The following MINDY3 variants were observed in gnomAD, a reference collection of about 807,000 sequenced individuals.
The protein encoded by MINDY3 is ubiquitin carboxyl-terminal hydrolase MINDY-3.
MINDY3 carries 38 observed loss-of-function variants against 69.2 expected under a neutral mutation model. The ratio of observed to expected loss-of-function variants is 0.55; its 90% CI spans 0.42 to 0.72. The LOEUF (loss-of-function observed/expected upper bound fraction) is 0.72. Ranked by LOEUF, MINDY3 falls within the 30% of genes least tolerant of loss-of-function variation. The probability of loss-of-function intolerance (pLI) is 0.00; values close to 1 mark genes in which losing one functional copy is unlikely to be tolerated. For synonymous variants in MINDY3, 192 were observed against 180.1 expected (o/e 1.07, Z -0.53); for missense variants, 522 against 519.0 (o/e 1.01, Z -0.06).
intron 1 of MINDY3, among the ~76,000 whole-genome samples, chr10:15,855,419 A>C (rs1222784476): frequency 6.6e-6 from 1 of 152,054 alleles, no homozygotes. Context: ...TACTCAAATT[A>C]TTTCCTAGTT....
intron 11 of MINDY3, among the ~76,000 whole-genome samples, chr10:15,793,022 G>A (rs1837538136): frequency 6.6e-6 from 1 of 152,112 alleles, no homozygotes; most frequent in Admixed American, 6.6e-5. Flanking sequence ...AGCTAGTGAG[G>A]CGTAACGGAT....
In MINDY3 at chr10:15,821,666, C is replaced by T; in HGVS notation, c.791G>A (p.Arg264Lys). The change falls in exon 9 of 15, where the codon AGA (arginine) becomes AAA (lysine). Residue 264 changes from arginine (R) to lysine (K), a missense_variant. Physicochemically the swap from Arg to Lys is conservative, Grantham distance 26 (BLOSUM62 2). Transcript: ENST00000277632. ...VGFLTLMEAL[R>K]YCKVGSYLKS... The stretch of plus-strand genomic sequence containing the variant: ...TAAAAATCAATTTACCTTACAGTAT[C>T]TTAAAGCTTCCATTAGTGTTAAAAA... 1 of 1,610,354 alleles carries T rather than the reference C, an allele frequency of 6.2e-7. No homozygotes were observed. The highest frequency in any genetic ancestry group is 1.3e-5 in the African/African-American group (1 of 74,836).
chr10:15,791,933 A>G (rs1218126829), intron 11 of MINDY3, among the ~76,000 whole-genome samples: 1 of 152,098 alleles, frequency 6.6e-6, no homozygotes, highest in Admixed American at 6.6e-5. Context: ...GCTAAACTGG[A>G]CACTGCAGGA....
At chr10:15,808,784 A>G (rs914705940) in intron 10 of MINDY3, among the ~76,000 whole-genome samples, 5 of 152,168 alleles carry the variant, frequency 3.3e-5, no homozygotes, top group African/African-American at 1.2e-4. Flanking sequence ...ACCATAAAAG[A>G]GAACAAAAAA....
Position 15,838,316 on chromosome 10 carries a change from C to T in MINDY3, c.410-37G>A, listed in dbSNP as rs774417425. On this transcript the variant is annotated intron_variant, in intron 4 of 14. Coordinates refer to ENST00000277632, the MANE Select transcript of MINDY3 (RefSeq NM_024948.4). ...AGACACTTTTCAGCACTACACATGG[C>T]AAATAAATGACACAAGATACACACA... The T allele has an allele frequency of 2.6e-6, 4 of 1,543,694 alleles. No homozygotes were observed. In the South Asian group the frequency reaches 5.0e-5, roughly 19 times the overall value.
chr10:15,793,891 C>T (rs1255490480), intron 11 of MINDY3, among the ~76,000 whole-genome samples: 1 of 152,104 alleles, frequency 6.6e-6, no homozygotes. Context: ...CAGGTTTATG[C>T]TCCAAACGAT....
chr10:15,844,206 C>T (rs553609528), intron 2 of MINDY3, among the ~76,000 whole-genome samples: 1 of 152,106 alleles, frequency 6.6e-6, no homozygotes, highest in Admixed American at 6.6e-5. Flanking sequence ...CAAGGTGTTA[C>T]AACAAAAAAC....
intron 13 of MINDY3, 66 bp downstream of exon 13, chr10:15,786,495 C>T: frequency 1.0e-6 from 1 of 985,400 alleles, no homozygotes; most frequent in Non-Finnish European, 1.6e-6. Flanking sequence ...AGAGAAAATG[C>T]TGCAAACAAT....
Position 15,804,497 on chromosome 10 carries a change from G to A in MINDY3, c.883-8325C>T, listed in dbSNP as rs1038000216. 2.6e-5 allele frequency among the ~76,000 whole-genome samples: 4 copies of A among 152,004 alleles called. No individual in the cohort carries two copies. The South Asian group carries it at 6.2e-4, about 24-fold the overall frequency. On this transcript the variant is annotated intron_variant, in intron 10 of 14. Transcript: ENST00000277632. ...AGTTTTTCTCATTAAGCCTTTCATC[G>A]TTATGAAGAGCAATCTGCTGTCACG... is the stretch of plus-strand genomic sequence containing the variant.
intron 3 of MINDY3, 116 bp from the exon 4 acceptor site, chr10:15,841,715 G>A: frequency 1.8e-6 from 1 of 551,274 alleles, no homozygotes; most frequent in Non-Finnish European, 3.0e-6. Context: ...TTAAAAATGG[G>A]GGAAAAATCT....
intron 10 of MINDY3, among the ~76,000 whole-genome samples, chr10:15,802,395 G>A (rs1425253196): frequency 1.3e-5 from 2 of 152,130 alleles, no homozygotes; most frequent in African/African-American, 4.8e-5. Flanking sequence ...GGAGAAGCAA[G>A]CACCTTCTTC....
intron 1 of MINDY3, among the ~76,000 whole-genome samples, 160 bp from the exon 2 acceptor site, chr10:15,848,103 A>G (rs1292131140): frequency 2.6e-5 from 4 of 152,110 alleles, no homozygotes; most frequent in Non-Finnish European, 5.9e-5. Context: ...AAAAAAATCT[A>G]TAGAACCTAT....
At chr10:15,793,599 A>G (rs1837582586) in intron 11 of MINDY3, among the ~76,000 whole-genome samples, 1 of 152,126 alleles carries the variant, frequency 6.6e-6, no homozygotes, top group Admixed American at 6.6e-5. Context: ...TTATGACTTT[A>G]GCCTTTCAAG....
At position 15,798,975 on chromosome 10, in the gene MINDY3, G is replaced by C. The variant is rs183910602; in HGVS notation, c.883-2803C>G. ...ACTCTAGTTAACATGTGTTCATTTA[G>C]AGCAGGGTTTGGCAAGCATTTTTCT... On this transcript the variant is annotated intron_variant, in intron 10 of 14. Coordinates refer to ENST00000277632, the MANE Select transcript of MINDY3 (RefSeq NM_024948.4). 4.6e-5 allele frequency among the ~76,000 whole-genome samples: 7 copies of C among 152,124 alleles called. No individual in the cohort carries two copies. In the South Asian group the frequency reaches 1.2e-3, roughly 27 times the overall value.
chr10:15,812,898 A>G (rs1191148119), intron 10 of MINDY3, among the ~76,000 whole-genome samples: 4 of 152,170 alleles, frequency 2.6e-5, no homozygotes, highest in African/African-American at 9.6e-5. Context: ...AATCCAATCC[A>G]TCACCCAGTC....
chr10:15,808,304 TTAAGA>T (rs1838770267), intron 10 of MINDY3, among the ~76,000 whole-genome samples: 1 of 152,188 alleles, frequency 6.6e-6, no homozygotes, highest in African/African-American at 2.4e-5. Flanking sequence ...CAGAATTTAC[TTAAGA>T]TAAAAGGATG....
chr10:15,795,931 C>G (rs1293303717), intron 11 of MINDY3, among the ~76,000 whole-genome samples, 169 bp downstream of exon 11: 1 of 152,000 alleles, frequency 6.6e-6, no homozygotes, highest in Admixed American at 6.6e-5. Context: ...GACTTGTGTG[C>G]TATTTCATTT....
chr10:15,829,028 C>G (rs546471079), intron 8 of MINDY3, among the ~76,000 whole-genome samples: 1 of 152,116 alleles, frequency 6.6e-6, no homozygotes, highest in South Asian at 2.1e-4. Context: ...CCTACACTGG[C>G]CCACAGAAAA....
intron 11 of MINDY3, among the ~76,000 whole-genome samples, chr10:15,794,109 A>ACT (rs967702198): frequency 1.6e-4 from 24 of 151,896 alleles, no homozygotes; most frequent in Non-Finnish European, 2.6e-4. Context: ...ATATAAAAAT[A>ACT]CTCCTGGGTA....
Sources: allele counts gnomAD v4.1 joint callset (sites outside exome capture counted in the v4.1 genomes callset), GRCh38; gene constraint gnomAD v4.1.1; transcripts MANE v1.5; gene names NCBI Gene and HGNC (gene_info 2026-07-23, HGNC 2026-07-21).